Variants in CHRM3 observed in about 807,000 individuals in gnomAD.
CHRM3 encodes muscarinic acetylcholine receptor M3.
CHRM3 carries 11 observed loss-of-function variants against 41.8 expected under a neutral mutation model. The ratio of observed to expected loss-of-function variants is 0.26; its 90% CI spans 0.17 to 0.44. CHRM3 has a LOEUF of 0.44. Among genes scored for constraint, CHRM3 ranks in the 20% least tolerant of loss-of-function variants. The pLI is 1.00. For synonymous variants in CHRM3, 297 were observed against 301.4 expected, an observed-to-expected ratio of 0.99 and a Z score of 0.15; for missense variants, 571 against 745.4, an observed-to-expected ratio of 0.77 and a Z score of 2.72.
intron 1 of CHRM3, among the ~76,000 whole-genome samples, chr1:239,456,847 T>C (rs567621727): frequency 6.6e-6 from 1 of 152,340 alleles, no homozygotes; most frequent in East Asian, 1.9e-4. Flanking sequence ...AAGAGAGCTC[T>C]GAGCAGAAAC....
chr1:239,561,376 A>G (rs1660842113), intron 3 of CHRM3, among the ~76,000 whole-genome samples: 1 of 151,784 alleles, frequency 6.6e-6, no homozygotes, highest in African/African-American at 2.4e-5. Context: ...TTCCTCTTTC[A>G]CTACATATGT....
rs112246086 is a variant in CHRM3, at chr1:239,404,221, A to G, written c.-521+16994A>G. Reference sequence around the variant, plus strand: ...GGAGAATGGCGTGAACCCAGGAGGCAGAGCTTGCAGTGAGCCGAGATCGCA... The same window carrying G: ...GGAGAATGGCGTGAACCCAGGAGGCGGAGCTTGCAGTGAGCCGAGATCGCA... On this transcript the variant is annotated intron_variant, in intron 1 of 6. Transcript: ENST00000676153. Among the ~76,000 whole-genome samples, 611 of 150,154 alleles carry G rather than the reference A, an allele frequency of 4.1e-3. 2 individuals are homozygous for G. The highest frequency in any genetic ancestry group is 0.014 in the African/African-American group (557 of 40,716).
chr1:239,647,143 A>G (rs1671805705), intron 4 of CHRM3, among the ~76,000 whole-genome samples: 1 of 152,158 alleles, frequency 6.6e-6, no homozygotes, highest in Non-Finnish European at 1.5e-5. Flanking sequence ...TAGGCTCTCC[A>G]TTGATTTCAG....
chr1:239,642,537 T>C (rs1283895112), intron 4 of CHRM3, among the ~76,000 whole-genome samples: 1 of 152,212 alleles, frequency 6.6e-6, no homozygotes, highest in Admixed American at 6.5e-5. Context: ...CACTGATACC[T>C]CTTCTTCCAG....
chr1:239,551,196 C>CCTG (rs1659787592), intron 3 of CHRM3, among the ~76,000 whole-genome samples: 1 of 117,660 alleles, frequency 8.5e-6, no homozygotes, highest in African/African-American at 3.4e-5. Context: ...CGGTTTCACT[C>CCTG]CTGTTGCCCA....
chr1:239,770,712 A>G (rs1667590815), intron 5 of CHRM3, among the ~76,000 whole-genome samples: 1 of 152,138 alleles, frequency 6.6e-6, no homozygotes, highest in Middle Eastern at 3.2e-3. Flanking sequence ...TAAAATAATT[A>G]TCATTGGTGA....
At position 239,482,495 on chromosome 1, in the gene CHRM3, C is replaced by T. The variant is rs186651784; in HGVS notation, c.-520-10214C>T. Reference sequence around the variant, plus strand: ...ATCAGCAAAAACAAGATAACCTTAACGCCTAGAATACCTCTCACATCACTA... The same window carrying T: ...ATCAGCAAAAACAAGATAACCTTAATGCCTAGAATACCTCTCACATCACTA... On this transcript the variant is annotated intron_variant, in intron 1 of 6. Transcript: ENST00000676153. 1.1e-3 allele frequency among the ~76,000 whole-genome samples: 168 copies of T among 152,292 alleles called. 1 individual carries two copies. Among genetic ancestry groups the T allele is most frequent in the African/African-American group, 3.4e-3 (140 of 41,564 alleles).
intron 6 of CHRM3, among the ~76,000 whole-genome samples, chr1:239,840,065 CA>C (rs1673665899): frequency 6.6e-6 from 1 of 152,166 alleles, no homozygotes; most frequent in East Asian, 1.9e-4. Flanking sequence ...CTGTAAATAA[CA>C]AACATGGAAC....
chr1:239,869,253 T>A (rs1676373913), intron 6 of CHRM3, among the ~76,000 whole-genome samples: 1 of 152,118 alleles, frequency 6.6e-6, no homozygotes, highest in South Asian at 2.1e-4. Context: ...ACTGAAGGCA[T>A]CAGGAGTTCT....
intron 4 of CHRM3, among the ~76,000 whole-genome samples, chr1:239,635,682 A>T (rs1670384002): frequency 4.6e-5 from 7 of 152,228 alleles, no homozygotes. Context: ...TAGGTAAGAC[A>T]TGACGAATTC....
chr1:239,813,943 T>G (rs1280558159), intron 5 of CHRM3, among the ~76,000 whole-genome samples: 1 of 148,654 alleles, frequency 6.7e-6, no homozygotes. Context: ...AACTCACAGT[T>G]GTAGACTGCC....
chr1:239,799,953 CTGTT>C (rs941471715), intron 5 of CHRM3, among the ~76,000 whole-genome samples: 13 of 152,170 alleles, frequency 8.5e-5, no homozygotes, highest in South Asian at 6.2e-4. Flanking sequence ...CTTAGGGACA[CTGTT>C]TGTTATTATT....
intron 3 of CHRM3, among the ~76,000 whole-genome samples, chr1:239,618,280 T>TTC (rs1553341445): frequency 3.6e-5 from 5 of 138,754 alleles, no homozygotes; most frequent in Admixed American, 7.3e-5. Flanking sequence ...TTTCTTTCTT[T>TTC]TTTTTTTTTT....
intron 3 of CHRM3, among the ~76,000 whole-genome samples, chr1:239,570,270 A>C (rs918572845): frequency 2.0e-4 from 30 of 152,124 alleles, no homozygotes; most frequent in Non-Finnish European, 4.0e-4. Flanking sequence ...TTGTGAAGAA[A>C]GTGCTTGTTT....
chr1:239,496,357 CTG>C (rs1482367437), intron 2 of CHRM3, among the ~76,000 whole-genome samples: 1 of 152,088 alleles, frequency 6.6e-6, no homozygotes, highest in East Asian at 1.9e-4. Context: ...TATTTAATCT[CTG>C]TAATCCCAAG....
intron 5 of CHRM3, chr1:239,714,127 ACTT>A (rs1169933446): frequency 6.6e-6 from 1 of 152,114 alleles, no homozygotes; most frequent in Non-Finnish European, 1.5e-5. Flanking sequence ...CATCTGAAGA[ACTT>A]CTGGAAATTT....
At chr1:239,736,637 A>G (rs911434865) in intron 5 of CHRM3, among the ~76,000 whole-genome samples, 1 of 152,144 alleles carries the variant, frequency 6.6e-6, no homozygotes, top group African/African-American at 2.4e-5. Flanking sequence ...TTGAAACTCC[A>G]TCTCAGGATT....
intron 2 of CHRM3, among the ~76,000 whole-genome samples, chr1:239,497,720 G>C (rs780958180): frequency 6.6e-6 from 1 of 152,214 alleles, no homozygotes; most frequent in Non-Finnish European, 1.5e-5. Context: ...TAAGGAATGA[G>C]GCCATTGCCA....
At chr1:239,620,239 A>G (rs950014409) in intron 3 of CHRM3, among the ~76,000 whole-genome samples, 1 of 152,228 alleles carries the variant, frequency 6.6e-6, no homozygotes, top group African/African-American at 2.4e-5. Flanking sequence ...CTTTGTGAAT[A>G]ATAGTTACTG....
Sources: gnomAD v4.1 joint callset for allele counts (sites outside exome capture counted in the v4.1 genomes callset) on GRCh38, gnomAD v4.1.1 for gene constraint, MANE v1.5 for transcripts, NCBI Gene and HGNC (gene_info 2026-07-23, HGNC 2026-07-21) for gene names.